INSL6: variants seen among roughly 807,000 people sequenced by gnomAD.
The protein encoded by INSL6 is insulin-like peptide INSL6.
In INSL6, 16 loss-of-function variants were observed where a neutral mutation model predicts 9.4. That is an observed-to-expected ratio of 1.70 (90% CI 1.15 to 2.59). INSL6 has a LOEUF of 2.59. Ranked by LOEUF, INSL6 falls within the 30% of genes most tolerant of loss-of-function variation. INSL6 has a pLI of 0.00. For missense variants in INSL6, 391 were observed against 257.3 expected (o/e 1.52, Z -3.56); for synonymous variants, 154 against 96.9 (o/e 1.59, Z -3.46).
At chr9:5,088,901 T>C in the INSL6 span, among the ~76,000 whole-genome samples, 2 of 152,194 alleles carry the variant, frequency 1.3e-5, no homozygotes, top group Admixed American at 6.5e-5. Flanking sequence ...AATACAGTCA[T>C]ATTGGGGGTT....
At chr9:5,179,146 A>G (rs1825385963) in intron 1 of INSL6, among the ~76,000 whole-genome samples, 1 of 152,182 alleles carries the variant, frequency 6.6e-6, no homozygotes, top group Non-Finnish European at 1.5e-5. Flanking sequence ...CAGCATCTAT[A>G]AGTAACTTAA....
chr9:5,042,194 G>T, the INSL6 span, among the ~76,000 whole-genome samples: 2 of 146,426 alleles, frequency 1.4e-5, no homozygotes, highest in Admixed American at 1.4e-4. Context: ...GCGGACTGCA[G>T]TGGCGCAATC....
chr9:5,080,580 G>C, the INSL6 span: 1 of 1,601,720 alleles, frequency 6.2e-7, no homozygotes. Flanking sequence ...CACCAAAGTG[G>C]GCAGAATTAG....
chr9:5,173,066 G>C (rs1450293760), intron 1 of INSL6, among the ~76,000 whole-genome samples: 4 of 152,020 alleles, frequency 2.6e-5, no homozygotes, highest in African/African-American at 9.7e-5. Context: ...ATTACAATGA[G>C]ATACTATCTC....
chr9:5,093,501 G>A, the INSL6 span, among the ~76,000 whole-genome samples: 1 of 152,162 alleles, frequency 6.6e-6, no homozygotes, highest in East Asian at 1.9e-4. Context: ...TGGTGAAGAG[G>A]AGCTTATAAG....
chr9:5,085,190 T>C, the INSL6 span: 3 of 658,056 alleles, frequency 4.6e-6, no homozygotes, highest in Admixed American at 1.8e-5. Context: ...AACCATCTCA[T>C]GATCATAGCA....
chr9:5,001,801 C>T, the INSL6 span, among the ~76,000 whole-genome samples: 5 of 151,806 alleles, frequency 3.3e-5, no homozygotes, highest in Non-Finnish European at 7.4e-5. Flanking sequence ...GTCACTTTGG[C>T]CAAGAGTTTT....
downstream of INSL6, among the ~76,000 whole-genome samples, chr9:5,162,098 T>G (rs1018980235): frequency 1.3e-5 from 2 of 152,082 alleles, no homozygotes; most frequent in African/African-American, 4.8e-5. Flanking sequence ...TAATTTCTAC[T>G]TAAGATTTTA....
the INSL6 span, chr9:5,078,187 C>T: frequency 1.3e-6 from 1 of 785,340 alleles, no homozygotes; most frequent in Non-Finnish European, 2.0e-6. Flanking sequence ...TGCATGCCTC[C>T]AAATTATTAT....
chr9:4,999,104 C>A, the INSL6 span, among the ~76,000 whole-genome samples: 1 of 152,106 alleles, frequency 6.6e-6, no homozygotes, highest in East Asian at 1.9e-4. Context: ...GGATTACAGG[C>A]GTGAGCCACC....
At chr9:5,103,859 T>C in the INSL6 span, among the ~76,000 whole-genome samples, 3 of 152,170 alleles carry the variant, frequency 2.0e-5, no homozygotes, top group African/African-American at 4.8e-5. Context: ...AAGATGTTCT[T>C]TGAAACCAAC....
At chr9:5,074,466 T>A in the INSL6 span, among the ~76,000 whole-genome samples, 1 of 151,942 alleles carries the variant, frequency 6.6e-6, no homozygotes, top group Non-Finnish European at 1.5e-5. Flanking sequence ...TTTCAAACTT[T>A]AAAAAAATCA....
the INSL6 span, among the ~76,000 whole-genome samples, chr9:5,014,853 A>G: frequency 6.6e-6 from 1 of 151,592 alleles, no homozygotes; most frequent in East Asian, 1.9e-4. Flanking sequence ...CTCCCTAGCT[A>G]TTCTCCTGTC....
intron 1 of INSL6, among the ~76,000 whole-genome samples, chr9:5,182,633 T>C (rs1209013147): frequency 3.3e-5 from 5 of 151,988 alleles, no homozygotes; most frequent in African/African-American, 7.3e-5. Context: ...TGTGATGATA[T>C]CTGAAACATA....
At chr9:5,020,358 C>A in the INSL6 span, among the ~76,000 whole-genome samples, 1 of 152,136 alleles carries the variant, frequency 6.6e-6, no homozygotes, top group Non-Finnish European at 1.5e-5. Context: ...TGCTTGGATA[C>A]GTGGGAGTGG....
At chr9:5,131,654 G>C (rs1431788639) in intron 3 of INSL6, among the ~76,000 whole-genome samples, 1 of 151,886 alleles carries the variant, frequency 6.6e-6, no homozygotes, top group Non-Finnish European at 1.5e-5. Context: ...TGGTCAGTCT[G>C]GTCTTGAACT....
At chr9:5,167,631 C>T (rs539434353) in intron 1 of INSL6, among the ~76,000 whole-genome samples, 4 of 152,174 alleles carry the variant, frequency 2.6e-5, no homozygotes, top group Admixed American at 6.5e-5. Context: ...AGAAGAGGCT[C>T]TAGGAGGAGG....
the INSL6 span, among the ~76,000 whole-genome samples, chr9:5,015,527 CT>C: frequency 0.23 from 31,695 of 139,926 alleles, 3,282 homozygotes; most frequent in African/African-American, 0.28. Context: ...TATTCTTTTT[CT>C]TTTTCTTTTC....
the INSL6 span, chr9:5,041,922 G>T: frequency 2.5e-6 from 1 of 393,482 alleles, no homozygotes; most frequent in South Asian, 2.0e-5. Flanking sequence ...GCGATGAAAC[G>T]AAATGCTGCT....
Sources: gnomAD v4.1 joint callset for allele counts (sites outside exome capture counted in the v4.1 genomes callset) on GRCh38, gnomAD v4.1.1 for gene constraint, MANE v1.5 for transcripts, NCBI Gene and HGNC (gene_info 2026-07-23, HGNC 2026-07-21) for gene names.